JPH3: variants seen among roughly 807,000 people sequenced by gnomAD.
The protein encoded by JPH3 is junctophilin 3.
JPH3 carries 11 observed loss-of-function variants against 59.6 expected under a neutral mutation model. The ratio of observed to expected loss-of-function variants is 0.18; its 90% CI spans 0.12 to 0.31. The LOEUF (loss-of-function observed/expected upper bound fraction) is 0.31, where lower values mean the gene tolerates loss of function less well. JPH3 is among the 10% of genes least tolerant of loss of function. JPH3 has a pLI of 1.00. For synonymous variants in JPH3, 673 were observed against 483.6 expected (o/e 1.39, Z -5.14); for missense variants, 1,202 against 1,105.7 (o/e 1.09, Z -1.24).
intron 1 of JPH3, among the ~76,000 whole-genome samples, chr16:87,618,415 T>C (rs1269826709): frequency 2.6e-5 from 4 of 152,292 alleles, no homozygotes; most frequent in African/African-American, 9.6e-5. Context: ...GTGCCTGGCC[T>C]TGTGGCAAAC....
intron 1 of JPH3, among the ~76,000 whole-genome samples, chr16:87,620,702 G>T (rs777669383): frequency 4.3e-4 from 66 of 152,134 alleles, no homozygotes; most frequent in South Asian, 6.2e-4. Context: ...CCTGTGAGGC[G>T]CTGTCCTCCT....
At chr16:87,644,108 A>G in intron 1 of JPH3, 150 bp from the exon 2 acceptor site, 1 of 825,344 alleles carries the variant, frequency 1.2e-6, no homozygotes. Flanking sequence ...ACTGCACTCC[A>G]GCCTGGGCAA....
intron 2 of JPH3, among the ~76,000 whole-genome samples, chr16:87,667,599 C>T (rs2150864109): frequency 6.6e-6 from 1 of 152,294 alleles, no homozygotes; most frequent in Non-Finnish European, 1.5e-5. Flanking sequence ...CATTGGGACA[C>T]CTGGGTCTTA....
intron 2 of JPH3, among the ~76,000 whole-genome samples, chr16:87,672,649 AG>A (rs575311441): frequency 1.7e-3 from 266 of 152,342 alleles, no homozygotes; most frequent in African/African-American, 6.0e-3. Context: ...GCGGGTGACG[AG>A]GACACAGTCG....
At chr16:87,615,411 C>G (rs1471468332) in intron 1 of JPH3, among the ~76,000 whole-genome samples, 1 of 152,220 alleles carries the variant, frequency 6.6e-6, no homozygotes, top group African/African-American at 2.4e-5. Flanking sequence ...CTTTCTTGTC[C>G]TGAGCCCTTC....
chr16:87,621,404 G>T (rs559118043), intron 1 of JPH3, among the ~76,000 whole-genome samples: 2 of 152,368 alleles, frequency 1.3e-5, no homozygotes, highest in African/African-American at 4.8e-5. Context: ...AGGGGCTTCA[G>T]GGTGGTCTGG....
chr16:87,662,654 G>A (rs2019697), intron 2 of JPH3, among the ~76,000 whole-genome samples: 24,403 of 152,160 alleles, frequency 0.16, 2,394 homozygotes, highest in South Asian at 0.33. Flanking sequence ...CCCAGTCCCC[G>A]CTGAGCCATG....
chr16:87,623,878 C>T (rs547242489), intron 1 of JPH3, among the ~76,000 whole-genome samples: 9 of 152,262 alleles, frequency 5.9e-5, no homozygotes, highest in Admixed American at 5.2e-4. Context: ...GCAGAGCAAG[C>T]TTTCTGGAAG....
chr16:87,676,790 C>A (rs2033151721), intron 2 of JPH3, among the ~76,000 whole-genome samples: 2 of 151,718 alleles, frequency 1.3e-5, no homozygotes, highest in Admixed American at 1.3e-4. Context: ...AATCTCAGCA[C>A]TTTGGGAGGC....
At chr16:87,691,779 G>A (rs1363435056) in intron 4 of JPH3, among the ~76,000 whole-genome samples, 1 of 152,066 alleles carries the variant, frequency 6.6e-6, no homozygotes, top group African/African-American at 2.4e-5. Flanking sequence ...CTATGCTCCT[G>A]CTGGGACCAA....
chr16:87,664,327 G>C (rs1259252826), intron 2 of JPH3, among the ~76,000 whole-genome samples: 1 of 110,732 alleles, frequency 9.0e-6, no homozygotes, highest in Non-Finnish European at 1.8e-5. Flanking sequence ...ATGAGACTCT[G>C]TCTGAAAAAA....
intron 2 of JPH3, among the ~76,000 whole-genome samples, chr16:87,661,841 A>G (rs1056470496): frequency 5.3e-5 from 8 of 152,352 alleles, no homozygotes; most frequent in African/African-American, 1.9e-4. Context: ...CATTTCCCCA[A>G]TTACGAAGCC....
chr16:87,646,092 A>G (rs1197208320), intron 2 of JPH3, among the ~76,000 whole-genome samples: 2 of 152,124 alleles, frequency 1.3e-5, no homozygotes, highest in Non-Finnish European at 2.9e-5. Context: ...TTCCCAGGGC[A>G]CGTTCCCCTG....
At chr16:87,638,808 C>G (rs950016793) in intron 1 of JPH3, among the ~76,000 whole-genome samples, 1 of 152,296 alleles carries the variant, frequency 6.6e-6, no homozygotes, top group South Asian at 2.1e-4. Context: ...CAGGACACAG[C>G]GAAGGTGCCC....
At chr16:87,673,767 A>G (rs1235189890) in intron 2 of JPH3, among the ~76,000 whole-genome samples, 2 of 151,996 alleles carry the variant, frequency 1.3e-5, no homozygotes, top group Non-Finnish European at 2.9e-5. Flanking sequence ...CTCTACTAAA[A>G]ATATAAAAAT....
intron 4 of JPH3, among the ~76,000 whole-genome samples, chr16:87,691,087 C>CA (rs66639740): frequency 0.056 from 2,901 of 51,808 alleles, 103 homozygotes; most frequent in African/African-American, 0.24. Flanking sequence ...TCACCCAGCA[C>CA]CCCCCCCCCA....
intron 1 of JPH3, among the ~76,000 whole-genome samples, chr16:87,642,216 C>T (rs1301424283): frequency 7.7e-5 from 7 of 91,128 alleles, no homozygotes; most frequent in South Asian, 3.5e-4. Context: ...TGGTGTGGGG[C>T]GTGTGAGTGG....
chr16:87,630,057 C>T (rs1258355589), intron 1 of JPH3, among the ~76,000 whole-genome samples: 2 of 152,166 alleles, frequency 1.3e-5, no homozygotes, highest in Non-Finnish European at 1.5e-5. Flanking sequence ...CAAAACATTG[C>T]CCAGAGTCCA....
At chr16:87,688,513 G>T (rs2033473577) in intron 3 of JPH3, among the ~76,000 whole-genome samples, 1 of 138,240 alleles carries the variant, frequency 7.2e-6, no homozygotes, top group Non-Finnish European at 1.5e-5. Context: ...CTGCCAAAAG[G>T]TCAGACTGGG....
Sources: allele counts gnomAD v4.1 joint callset (sites outside exome capture counted in the v4.1 genomes callset), GRCh38; gene constraint gnomAD v4.1.1; transcripts MANE v1.5; gene names NCBI Gene and HGNC (gene_info 2026-07-23, HGNC 2026-07-21).